The following PDCD1LG2 variants were observed in gnomAD, a reference collection of about 807,000 sequenced individuals.
PDCD1LG2 encodes the protein B7 dendritic cell molecule.
In PDCD1LG2, 32 loss-of-function variants were observed where a neutral mutation model predicts 28.2. The ratio of observed to expected loss-of-function variants is 1.13; its 90% CI spans 0.86 to 1.52. The LOEUF (loss-of-function observed/expected upper bound fraction) is 1.52. PDCD1LG2 is among the 40% of genes most tolerant of loss of function. PDCD1LG2 has a pLI of 0.00. For missense variants in PDCD1LG2, 385 were observed against 323.8 expected (o/e 1.19, Z -1.45); for synonymous variants, 116 against 120.2 (o/e 0.97, Z 0.23).
intron 4 of PDCD1LG2, among the ~76,000 whole-genome samples, chr9:5,551,361 G>A (rs1816328388): frequency 6.6e-6 from 1 of 152,214 alleles, no homozygotes; most frequent in African/African-American, 2.4e-5. Context: ...TGTGTGGCAT[G>A]CAGGTATTTA....
At position 5,569,856 on chromosome 9, in the gene PDCD1LG2, T is replaced by G; in HGVS notation, c.817-98T>G. The G allele has an allele frequency of 7.7e-7, 1 of 1,299,514 alleles. No individual in the cohort carries two copies. The highest frequency in any genetic ancestry group is 1.1e-6 in the Non-Finnish European group (1 of 905,870). The allele number at this position is 1,299,514 out of a possible 1,614,324, so 80.5% of individuals were successfully genotyped here. A position where few individuals can be genotyped will look rare whatever the true frequency, so the allele number is the denominator to read the frequency against. On this transcript the variant is annotated intron_variant, in intron 6 of 6. Transcript: ENST00000397747. This position sits in a 1 kb window ranked among gnomAD's most constrained non-coding sequence, Gnocchi z 4.1. ...CATGCGGCTTCCAGCTAGATGAACT[T>G]TTTTAAAAAAATTAGTTCCTCACTC...
At chr9:5,561,490 A>G (rs1195201750) in intron 5 of PDCD1LG2, among the ~76,000 whole-genome samples, 2 of 152,234 alleles carry the variant, frequency 1.3e-5, no homozygotes, top group East Asian at 1.9e-4. Context: ...CTTGTGGCCT[A>G]TTTGTTGCAA....
At chr9:5,536,880 A>C (rs924841609) in intron 3 of PDCD1LG2, among the ~76,000 whole-genome samples, 1 of 152,230 alleles carries the variant, frequency 6.6e-6, no homozygotes, top group African/African-American at 2.4e-5. Flanking sequence ...GACAATGTGC[A>C]TGCCAGGCAA....
chr9:5,533,930 A>T (rs1012890431), intron 2 of PDCD1LG2, among the ~76,000 whole-genome samples: 4 of 150,688 alleles, frequency 2.7e-5, no homozygotes, highest in African/African-American at 9.8e-5. Context: ...AACATACTAG[A>T]TATACATTAA....
Position 5,569,155 on chromosome 9 carries a change from A to G in PDCD1LG2, c.817-799A>G, listed in dbSNP as rs138235305. On this transcript the variant is annotated intron_variant, in intron 6 of 6. Coordinates refer to ENST00000397747, the MANE Select transcript of PDCD1LG2 (RefSeq NM_025239.4). The surrounding 1 kb of genome is among the most constrained non-coding windows in gnomAD (Gnocchi z 4.1). ...AGGCAAAAGTTAGATTTTACTTACT[A>G]AGCAAGAGTGCTTCAGTTAGATCCT... Among the ~76,000 whole-genome samples, 404 of 152,324 alleles carry G rather than the reference A, an allele frequency of 2.7e-3. 4 individuals are homozygous for G. Among genetic ancestry groups the G allele is most frequent in the African/African-American group, 9.3e-3 (386 of 41,570 alleles).
At chr9:5,560,212 A>G (rs1017274677) in intron 5 of PDCD1LG2, among the ~76,000 whole-genome samples, 4 of 152,138 alleles carry the variant, frequency 2.6e-5, no homozygotes, top group African/African-American at 4.8e-5. Context: ...TAATTTTCCA[A>G]TTGATTCCTC....
intron 3 of PDCD1LG2, among the ~76,000 whole-genome samples, chr9:5,540,116 A>T (rs1347683546): frequency 6.6e-6 from 1 of 152,244 alleles, no homozygotes; most frequent in Non-Finnish European, 1.5e-5. Flanking sequence ...AATTACATGG[A>T]AGTTAAATAA....
At chr9:5,514,772 G>GAAAAAAAA (rs60002651) in intron 1 of PDCD1LG2, among the ~76,000 whole-genome samples, 17 of 62,390 alleles carry the variant, frequency 2.7e-4, no homozygotes, top group South Asian at 1.2e-3. Flanking sequence ...AGTCTCTAAA[G>GAAAAAAAA]AAAAAAAAAA....
At position 5,551,037 on chromosome 9, in the gene PDCD1LG2, A is replaced by G. The variant is rs185917172; in HGVS notation, c.631+1433A>G. 2.0e-5 allele frequency among the ~76,000 whole-genome samples: 3 copies of G among 152,234 alleles called. No individual in the cohort carries two copies. In the East Asian group the frequency reaches 5.8e-4, roughly 29 times the overall value. ...GCTTGCTTCTCTTTGCCACCTCTTAAGGACCCTTGTGATTGCATTAGGTAC... is the reference window on the plus strand; with the variant it reads ...GCTTGCTTCTCTTTGCCACCTCTTAGGGACCCTTGTGATTGCATTAGGTAC... On this transcript the variant is annotated intron_variant, in intron 4 of 6. Transcript: ENST00000397747.
intron 4 of PDCD1LG2, among the ~76,000 whole-genome samples, chr9:5,554,992 A>C (rs1330727636): frequency 6.7e-6 from 1 of 148,778 alleles, no homozygotes; most frequent in Non-Finnish European, 1.5e-5. Context: ...TAGTACTCAG[A>C]AAGTGTGCAA....
At chr9:5,546,799 A>G (rs1816217678) in intron 3 of PDCD1LG2, among the ~76,000 whole-genome samples, 1 of 152,200 alleles carries the variant, frequency 6.6e-6, no homozygotes, top group African/African-American at 2.4e-5. Context: ...TGTATTATGT[A>G]TATTTATACA....
intron 1 of PDCD1LG2, among the ~76,000 whole-genome samples, chr9:5,518,829 T>C (rs978963633): frequency 2.6e-5 from 4 of 152,260 alleles, no homozygotes; most frequent in African/African-American, 7.2e-5. Context: ...AACTCACTGA[T>C]ACTGTGCTTG....
intron 4 of PDCD1LG2, among the ~76,000 whole-genome samples, chr9:5,552,948 C>A (rs1221337227): frequency 2.0e-5 from 3 of 152,014 alleles, no homozygotes; most frequent in Non-Finnish European, 4.4e-5. Flanking sequence ...TAACTGAAAT[C>A]AAAACATTAG....
rs1452363965 is a variant in PDCD1LG2, at chr9:5,569,170, A to G, written c.817-784A>G. On this transcript the variant is annotated intron_variant, in intron 6 of 6. Coordinates refer to ENST00000397747, the MANE Select transcript of PDCD1LG2 (RefSeq NM_025239.4). This position sits in a 1 kb window ranked among gnomAD's most constrained non-coding sequence, Gnocchi z 4.1. ...TTTACTTACTAAGCAAGAGTGCTTCAGTTAGATCCTAGCAGGAAATGGAGG... is the reference window on the plus strand; with the variant it reads ...TTTACTTACTAAGCAAGAGTGCTTCGGTTAGATCCTAGCAGGAAATGGAGG... 1.3e-5 allele frequency among the ~76,000 whole-genome samples: 2 copies of G among 152,220 alleles called. No individual in the cohort carries two copies. Among genetic ancestry groups the G allele is most frequent in the African/African-American group, 4.8e-5 (2 of 41,456 alleles).
At chr9:5,555,452 G>T (rs192625690) in intron 4 of PDCD1LG2, among the ~76,000 whole-genome samples, 1 of 151,742 alleles carries the variant, frequency 6.6e-6, no homozygotes. Flanking sequence ...TTAAAGAAAC[G>T]ACAAAAGAGT....
Position 5,532,633 on chromosome 9 carries a change from T to G in PDCD1LG2, c.56-2112T>G, listed in dbSNP as rs112269593. On this transcript the variant is annotated intron_variant, in intron 2 of 6. Transcript: ENST00000397747. ...AGGATAGTGGGAAGAAAAACTTGAA[T>G]CAGAGGACATCTGCAGTGGGAATCA... Among the ~76,000 whole-genome samples the G allele has an allele frequency of 1.9e-3, 294 of 152,296 alleles. 1 individual carries two copies. Among genetic ancestry groups the G allele is most frequent in the African/African-American group, 6.7e-3 (278 of 41,568 alleles).
At chr9:5,529,318 T>C (rs1217789463) in intron 2 of PDCD1LG2, among the ~76,000 whole-genome samples, 1 of 152,210 alleles carries the variant, frequency 6.6e-6, no homozygotes, top group South Asian at 2.1e-4. Flanking sequence ...TCCATTTTAA[T>C]TTTTATATAA....
chr9:5,565,613 C>G (rs1012646111), intron 6 of PDCD1LG2, among the ~76,000 whole-genome samples: 13 of 152,302 alleles, frequency 8.5e-5, no homozygotes, highest in Admixed American at 7.8e-4. Flanking sequence ...TATTTTCTGG[C>G]TGCTTCTATG....
intron 2 of PDCD1LG2, among the ~76,000 whole-genome samples, chr9:5,534,425 G>A (rs978816203): frequency 2.6e-5 from 4 of 152,202 alleles, no homozygotes; most frequent in African/African-American, 9.7e-5. Flanking sequence ...GTCAGGGACT[G>A]GAGGTGGGAG....
Sources: gnomAD v4.1 joint callset for allele counts (sites outside exome capture counted in the v4.1 genomes callset) on GRCh38, gnomAD v4.1.1 for gene constraint, Gnocchi (gnomAD v3.1) non-coding constraint, MANE v1.5 for transcripts, NCBI Gene and HGNC (gene_info 2026-07-23, HGNC 2026-07-21) for gene names.